The following KCNK1 variants were observed in gnomAD, a reference collection of about 807,000 sequenced individuals.
KCNK1 encodes potassium two pore domain channel subfamily K member 1.
A neutral mutation model predicts 22.2 loss-of-function variants in KCNK1; 10 were observed. The ratio of observed to expected loss-of-function variants is 0.45; its 90% CI spans 0.28 to 0.76. KCNK1 has a LOEUF of 0.76. Ranked by LOEUF, KCNK1 falls within the 30% of genes least tolerant of loss-of-function variation. KCNK1 has a pLI of 0.14. For synonymous variants in KCNK1, 200 were observed against 186.4 expected (o/e 1.07, Z -0.60); for missense variants, 378 against 421.0 (o/e 0.90, Z 0.89).
chr1:233,626,386 T>C (rs556599834), intron 1 of KCNK1, among the ~76,000 whole-genome samples: 206 of 152,050 alleles, frequency 1.4e-3, no homozygotes, highest in African/African-American at 4.6e-3. Context: ...GAACTTGAGA[T>C]CCCTTTTGGG....
chr1:233,616,172 C>T (rs912298838), intron 1 of KCNK1, among the ~76,000 whole-genome samples: 2 of 152,100 alleles, frequency 1.3e-5, no homozygotes, highest in Admixed American at 6.6e-5. Flanking sequence ...TAAGTGTTTC[C>T]ATGGGGCTAC....
chr1:233,639,620 T>A (rs1657969267), intron 1 of KCNK1, among the ~76,000 whole-genome samples: 1 of 152,258 alleles, frequency 6.6e-6, no homozygotes, highest in Non-Finnish European at 1.5e-5. Context: ...TGTCAAATAC[T>A]TGATTCTCTT....
chr1:233,658,225 A>G (rs375032821), intron 1 of KCNK1, among the ~76,000 whole-genome samples: 2 of 152,208 alleles, frequency 1.3e-5, no homozygotes, highest in Non-Finnish European at 2.9e-5. Flanking sequence ...ATGGGACAAC[A>G]GGGATCCATT....
intron 1 of KCNK1, among the ~76,000 whole-genome samples, chr1:233,620,953 CATT>C (rs1657576129): frequency 6.6e-6 from 1 of 152,164 alleles, no homozygotes; most frequent in Admixed American, 6.5e-5. Flanking sequence ...ATATAGGTAT[CATT>C]GTCTTCACTT....
At chr1:233,667,458 C>T (rs951082695) in intron 2 of KCNK1, among the ~76,000 whole-genome samples, 2 of 152,040 alleles carry the variant, frequency 1.3e-5, no homozygotes, top group African/African-American at 2.4e-5. Context: ...AGGCCGGGCG[C>T]GGTGGCTCAC....
intron 1 of KCNK1, among the ~76,000 whole-genome samples, chr1:233,622,585 T>A (rs868810717): frequency 1.4e-4 from 21 of 152,294 alleles, no homozygotes; most frequent in African/African-American, 4.8e-4. Flanking sequence ...CCAAAGTTGG[T>A]GGCCCACTCT....
rs544389372 is a variant in KCNK1, at chr1:233,656,209, G to A, written c.356-10386G>A. Among the ~76,000 whole-genome samples the A allele has an allele frequency of 3.9e-5, 6 of 152,338 alleles. No homozygotes were observed. In the East Asian group the frequency reaches 1.2e-3, roughly 29 times the overall value. ...TACTGGTTTACAAACCTGGAAGAGAGAGTCTCCGGTGTGAACTGAAAATGC... is the reference window on the plus strand; with the variant it reads ...TACTGGTTTACAAACCTGGAAGAGAAAGTCTCCGGTGTGAACTGAAAATGC... On this transcript the variant is annotated intron_variant, in intron 1 of 2. Coordinates refer to ENST00000366621, the MANE Select transcript of KCNK1 (RefSeq NM_002245.4).
intron 1 of KCNK1, among the ~76,000 whole-genome samples, chr1:233,645,339 C>G (rs75774514): frequency 6.6e-6 from 1 of 152,112 alleles, no homozygotes; most frequent in Non-Finnish European, 1.5e-5. Flanking sequence ...TTGGAAAAAA[C>G]GTCCTTGTGG....
At chr1:233,660,812 CA>C in intron 1 of KCNK1, 1 of 152,142 alleles carries the variant, frequency 6.6e-6, no homozygotes, top group East Asian at 1.9e-4. Flanking sequence ...CGAGTAACAC[CA>C]CCCTCTCACT....
At chr1:233,642,609 C>T (rs776891689) in intron 1 of KCNK1, among the ~76,000 whole-genome samples, 9 of 152,162 alleles carry the variant, frequency 5.9e-5, no homozygotes, top group Non-Finnish European at 1.2e-4. Context: ...TTGTGAGGGA[C>T]ACTGAGAGGA....
chr1:233,647,955 C>T (rs2102899498), intron 1 of KCNK1, among the ~76,000 whole-genome samples: 1 of 152,300 alleles, frequency 6.6e-6, no homozygotes, highest in African/African-American at 2.4e-5. Context: ...TATTCTCCTC[C>T]ATCCATTTGG....
At chr1:233,651,302 T>C (rs1571900291) in intron 1 of KCNK1, among the ~76,000 whole-genome samples, 1 of 152,158 alleles carries the variant, frequency 6.6e-6, no homozygotes, top group African/African-American at 2.4e-5. Context: ...ATTCTAAAAG[T>C]GCATTACTGA....
intron 1 of KCNK1, among the ~76,000 whole-genome samples, chr1:233,645,944 C>CT (rs1309353381): frequency 6.6e-6 from 1 of 152,054 alleles, no homozygotes; most frequent in Admixed American, 6.6e-5. Context: ...GGTATTTGGT[C>CT]TGAAGAACTA....
At chr1:233,618,371 A>G (rs932116389) in intron 1 of KCNK1, among the ~76,000 whole-genome samples, 6 of 149,032 alleles carry the variant, frequency 4.0e-5, no homozygotes, top group Non-Finnish European at 8.9e-5. Flanking sequence ...TTCCCACAGA[A>G]CTTCTATACT....
intron 1 of KCNK1, among the ~76,000 whole-genome samples, chr1:233,665,903 A>G (rs1558120345): frequency 6.6e-6 from 1 of 152,218 alleles, no homozygotes; most frequent in Non-Finnish European, 1.5e-5. Context: ...ACGTTGGCAA[A>G]GTGCCCTATG....
chr1:233,624,118 C>T (rs12092901), intron 1 of KCNK1: 19,256 of 154,078 alleles, frequency 0.12, 1,363 homozygotes, highest in South Asian at 0.17. Flanking sequence ...TTACTCAAGT[C>T]GATGCCCCAG....
At chr1:233,636,996 A>G (rs1454707934) in intron 1 of KCNK1, among the ~76,000 whole-genome samples, 1 of 152,000 alleles carries the variant, frequency 6.6e-6, no homozygotes, top group Non-Finnish European at 1.5e-5. Flanking sequence ...GGAGATCAAG[A>G]CCATCCTGGC....
At chr1:233,630,323 G>A (rs1458850472) in intron 1 of KCNK1, among the ~76,000 whole-genome samples, 1 of 152,134 alleles carries the variant, frequency 6.6e-6, no homozygotes, top group Non-Finnish European at 1.5e-5. Context: ...CAGTTCCTAC[G>A]TCACTGAGTT....
chr1:233,642,240 G>A (rs1658012121), intron 1 of KCNK1, among the ~76,000 whole-genome samples: 1 of 152,168 alleles, frequency 6.6e-6, no homozygotes, highest in Admixed American at 6.5e-5. Context: ...AGCTGCAGAT[G>A]TGTTGTTTGT....
Sources: gnomAD v4.1 joint callset for allele counts (sites outside exome capture counted in the v4.1 genomes callset) on GRCh38, gnomAD v4.1.1 for gene constraint, MANE v1.5 for transcripts, NCBI Gene and HGNC (gene_info 2026-07-23, HGNC 2026-07-21) for gene names.